LOXHD1: variants seen among roughly 807,000 people sequenced by gnomAD.
The protein encoded by LOXHD1 is lipoxygenase homology PLAT domains 1.
Under a neutral mutation model 248.2 loss-of-function variants are expected in LOXHD1, and 205 were observed. The observed-to-expected ratio is 0.83, with a 90% CI of 0.74 to 0.93. The LOEUF (loss-of-function observed/expected upper bound fraction) is 0.93, where lower values mean the gene tolerates loss of function less well. Ranked by LOEUF, LOXHD1 falls within the 40% of genes least tolerant of loss-of-function variation. The probability of loss-of-function intolerance (pLI) is 0.00; values close to 1 mark genes in which losing one functional copy is unlikely to be tolerated. For synonymous variants in LOXHD1, 1,113 were observed against 1,162.8 expected (o/e 0.96, Z 0.87); for missense variants, 2,930 against 2,971.6 (o/e 0.99, Z 0.33).
At chr18:46,484,965 G>C in intron 39 of LOXHD1, 54 bp downstream of exon 39, 1 of 1,535,690 alleles carries the variant, frequency 6.5e-7, no homozygotes, top group Non-Finnish European at 8.8e-7. Flanking sequence ...GATTCTCGGG[G>C]TCCTCCCTTA....
intron 8 of LOXHD1, among the ~76,000 whole-genome samples, chr18:46,599,783 A>T (rs2038307971): frequency 6.6e-6 from 1 of 152,220 alleles, no homozygotes. Flanking sequence ...ACATAAAAAG[A>T]AACATGAATG....
At chr18:46,564,680 A>G (rs1052835477) in intron 17 of LOXHD1, among the ~76,000 whole-genome samples, 3 of 151,750 alleles carry the variant, frequency 2.0e-5, no homozygotes, top group Admixed American at 1.3e-4. Context: ...TTGCTTTTTT[A>G]TCTTTATCTT....
intron 35 of LOXHD1, 21 bp downstream of exon 35, chr18:46,509,677 G>GT: frequency 6.6e-7 from 1 of 1,519,392 alleles, no homozygotes; most frequent in South Asian, 1.2e-5. Flanking sequence ...GGAAGGAAGA[G>GT]TGAGGGTCTA....
chr18:46,549,741 C>A (rs187129565), intron 21 of LOXHD1, among the ~76,000 whole-genome samples: 3 of 152,328 alleles, frequency 2.0e-5, no homozygotes, highest in Admixed American at 2.0e-4. Flanking sequence ...TCCCACCCAA[C>A]ATATTTGCCA....
intron 34 of LOXHD1, 51 bp from the exon 35 acceptor site, chr18:46,509,866 G>T: frequency 1.7e-6 from 2 of 1,173,138 alleles, no homozygotes; most frequent in South Asian, 2.6e-5. Context: ...CATTGGGGAG[G>T]GTTGGGGTGG....
chr18:46,606,544 T>A (rs1465470286), intron 6 of LOXHD1, among the ~76,000 whole-genome samples: 1 of 152,172 alleles, frequency 6.6e-6, no homozygotes, highest in African/African-American at 2.4e-5. Context: ...CTGTGTAGAA[T>A]TACCTTCAGG....
At position 46,639,740 on chromosome 18, in the gene LOXHD1, G is replaced by A. The variant is rs1024549319; in HGVS notation, c.387C>T (p.Thr129=). 14 of 1,551,576 alleles carry A rather than the reference G, an allele frequency of 9.0e-6. No homozygotes were observed. Among genetic ancestry groups the A allele is most frequent in the African/African-American group, 5.5e-5 (4 of 73,044 alleles). ...ASWYLDHVIV[T]DMKRPHLRYY... ...AACGGAGATGAGGCCTCTTCATGTCGGTCACAATCACATGGTCCAGGTACC... is the reference window on the plus strand; with the variant it reads ...AACGGAGATGAGGCCTCTTCATGTCAGTCACAATCACATGGTCCAGGTACC... The change falls in exon 4 of 41, where the codon ACC becomes ACT. Residue 129 remains threonine (T), a synonymous_variant. Transcript: ENST00000642948.
chr18:46,488,930 A>G, intron 38 of LOXHD1, 42 bp downstream of exon 38: 1 of 1,536,910 alleles, frequency 6.5e-7, no homozygotes, highest in Non-Finnish European at 8.8e-7. Flanking sequence ...TTCCAGCACC[A>G]TTCCCTGCCT....
chr18:46,520,914 C>T (rs974098602), intron 33 of LOXHD1, among the ~76,000 whole-genome samples, 183 bp downstream of exon 33: 9 of 152,198 alleles, frequency 5.9e-5, no homozygotes, highest in African/African-American at 9.6e-5. Flanking sequence ...CGGCAGCAGA[C>T]CAGAAGAGAG....
chr18:46,504,520 A>G (rs1272635716), intron 37 of LOXHD1, among the ~76,000 whole-genome samples: 3 of 152,258 alleles, frequency 2.0e-5, no homozygotes, highest in African/African-American at 7.2e-5. Flanking sequence ...GATACACTGA[A>G]ATTTGAAAAC....
At chr18:46,492,121 C>A (rs913399289) in intron 37 of LOXHD1, among the ~76,000 whole-genome samples, 2 of 123,416 alleles carry the variant, frequency 1.6e-5, no homozygotes, top group East Asian at 3.4e-4. Flanking sequence ...AAACATCTGG[C>A]AGGCTGATGT....
In LOXHD1 at chr18:46,560,400, C is replaced by T. The variant is rs1036452546; in HGVS notation, c.2744G>A (p.Arg915Gln). 2.2e-5 allele frequency: 34 copies of T among 1,550,898 alleles called. No individual in the cohort carries two copies. Among genetic ancestry groups the T allele is most frequent in the Middle Eastern group, 1.7e-4 (1 of 5,996 alleles). Reference protein sequence around the residue: ...EVDLTPEEEARKKKEKDKLRQ... With the variant: ...EVDLTPEEEAQKKKEKDKLRQ... The stretch of plus-strand genomic sequence containing the variant: ...CAGCTTGTCCTTCTCCTTCTTCTTC[C>T]GGGCCTCCTCCTCCGGCGTGAGGTC... The change falls in exon 19 of 41, where the codon CGG becomes CAG. Residue 915 changes from arginine (R) to glutamine (Q), a missense_variant. Transcript: ENST00000642948.
intron 4 of LOXHD1, 26 bp from the exon 5 acceptor site, chr18:46,618,316 T>C (rs1377228685): frequency 2.7e-6 from 4 of 1,489,930 alleles, no homozygotes; most frequent in Non-Finnish European, 3.7e-6. Flanking sequence ...GAGAAAAACC[T>C]TAGCTCATCA....
intron 33 of LOXHD1, among the ~76,000 whole-genome samples, chr18:46,518,518 T>G (rs2035391320): frequency 1.3e-5 from 2 of 152,230 alleles, no homozygotes; most frequent in African/African-American, 2.4e-5. Context: ...AGCCTGGCGT[T>G]AACTGACGCT....
chr18:46,588,951 G>A (rs1225816942), intron 12 of LOXHD1, among the ~76,000 whole-genome samples: 3 of 152,148 alleles, frequency 2.0e-5, no homozygotes, highest in Non-Finnish European at 2.9e-5. Flanking sequence ...TCAGAGGGTT[G>A]GGCATGGGTT....
rs758805309 is a variant in LOXHD1 at position 46,560,434 on chromosome 18, G to A, written c.2710C>T (p.Arg904Trp). The change falls in exon 19 of 41, where the codon CGG becomes TGG. Residue 904 changes from arginine (R) to tryptophan (W), a missense_variant. Physicochemically the swap from Arg to Trp is moderately radical, Grantham distance 101. Coordinates refer to ENST00000642948, the MANE Select transcript of LOXHD1 (RefSeq NM_001384474.1). ...DTVWLRHLVV[R>W]EVDLTPEEEA... The stretch of plus-strand genomic sequence containing the variant: ...TCCTCCGGCGTGAGGTCCACCTCCC[G>A]CACCACCAGGTGCCGCAGCCACACG... The A allele has an allele frequency of 2.6e-6, 4 of 1,545,376 alleles. No homozygotes were observed. The African/African-American group carries it at 4.1e-5, about 16-fold the overall frequency.
At chr18:46,525,158 C>T (rs2035772207) in intron 29 of LOXHD1, among the ~76,000 whole-genome samples, 2 of 152,346 alleles carry the variant, frequency 1.3e-5, no homozygotes, top group South Asian at 2.1e-4. Context: ...AAACTGCCTT[C>T]ACCACATTCC....
chr18:46,491,488 A>G (rs2033472181), intron 37 of LOXHD1, among the ~76,000 whole-genome samples: 1 of 152,248 alleles, frequency 6.6e-6, no homozygotes, highest in African/African-American at 2.4e-5. Flanking sequence ...CTACTGATTC[A>G]ATGTATCAGG....
At chr18:46,510,430 T>G (rs2143968196) in intron 34 of LOXHD1, among the ~76,000 whole-genome samples, 1 of 152,318 alleles carries the variant, frequency 6.6e-6, no homozygotes, top group Non-Finnish European at 1.5e-5. Flanking sequence ...GTTGCTATTA[T>G]TATTTTCCTG....
Sources: allele counts gnomAD v4.1 joint callset (sites outside exome capture counted in the v4.1 genomes callset), GRCh38; gene constraint gnomAD v4.1.1; transcripts MANE v1.5; gene names NCBI Gene and HGNC (gene_info 2026-07-23, HGNC 2026-07-21).